The following ERC1 variants were observed in gnomAD, a reference collection of about 807,000 sequenced individuals.
The protein encoded by ERC1 is ELKS/RAB6-interacting/CAST family member 1.
A neutral mutation model predicts 132.0 loss-of-function variants in ERC1; 56 were observed. The observed-to-expected ratio is 0.42, with a 90% CI of 0.34 to 0.53. ERC1 has a LOEUF of 0.53. ERC1 is among the 20% of genes least tolerant of loss of function. ERC1 has a pLI of 0.03. For missense variants in ERC1, 1,202 were observed against 1,349.9 expected (o/e 0.89, Z 1.72); for synonymous variants, 478 against 476.1 (o/e 1.00, Z -0.05).
chr12:1,485,201 C>CTCTTTTCTT (rs1555129709), intron 18 of ERC1, among the ~76,000 whole-genome samples: 3 of 96,376 alleles, frequency 3.1e-5, no homozygotes, highest in African/African-American at 1.3e-4. Flanking sequence ...GTTTATATTT[C>CTCTTTTCTT]TTTTTTTTTT....
chr12:999,526 T>G (rs1276774090), intron 1 of ERC1, among the ~76,000 whole-genome samples: 1 of 151,952 alleles, frequency 6.6e-6, no homozygotes, highest in Non-Finnish European at 1.5e-5. Flanking sequence ...TCTAGAGCCA[T>G]GGCTGTTCAG....
At chr12:1,400,974 C>T (rs1389679767) in intron 16 of ERC1, among the ~76,000 whole-genome samples, 3 of 122,544 alleles carry the variant, frequency 2.4e-5, no homozygotes, top group Admixed American at 9.7e-5. Context: ...CTTGCTCTAT[C>T]GCCCAGGCTG....
intron 15 of ERC1, among the ~76,000 whole-genome samples, chr12:1,347,158 C>G (rs1186126689): frequency 1.3e-5 from 2 of 152,156 alleles, no homozygotes; most frequent in African/African-American, 2.4e-5. Context: ...CATTGAAATA[C>G]TAGCGTACAT....
At chr12:1,317,277 C>T (rs542590202) in intron 15 of ERC1, among the ~76,000 whole-genome samples, 175 of 151,970 alleles carry the variant, frequency 1.2e-3, no homozygotes, top group African/African-American at 4.1e-3. Context: ...AGCTGGAAAC[C>T]ATCATTCTCA....
At chr12:1,227,005 T>G (rs577520682) in intron 12 of ERC1, among the ~76,000 whole-genome samples, 14 of 152,320 alleles carry the variant, frequency 9.2e-5, no homozygotes, top group African/African-American at 3.4e-4. Context: ...TGATAAATAT[T>G]CCATTTGATT....
chr12:1,231,163 G>A (rs1358795550), intron 12 of ERC1, among the ~76,000 whole-genome samples: 2 of 148,506 alleles, frequency 1.3e-5, no homozygotes, highest in African/African-American at 2.5e-5. Flanking sequence ...TTTTGTAATT[G>A]TATGCTTAAT....
At chr12:1,377,380 A>G (rs61913111) in intron 16 of ERC1, among the ~76,000 whole-genome samples, 41,685 of 151,830 alleles carry the variant, frequency 0.27, 6,116 homozygotes, top group Middle Eastern at 0.35. Flanking sequence ...GCAATCTAGC[A>G]GACATTCTAG....
intron 18 of ERC1, 197 bp downstream of exon 18, chr12:1,444,947 T>G: frequency 5.9e-5 from 17 of 290,336 alleles, no homozygotes; most frequent in East Asian, 1.2e-4. Context: ...ATTCAAGATT[T>G]GGGGGGTGGG....
intron 15 of ERC1, among the ~76,000 whole-genome samples, chr12:1,353,028 C>CTTTTTTTTTTTTTTT (rs547540688): frequency 1.6e-5 from 2 of 123,014 alleles, no homozygotes; most frequent in Non-Finnish European, 3.5e-5. Context: ...CTTTTCTTTT[C>CTTTTTTTTTTTTTTT]TTTTTTTTTT....
At chr12:1,273,953 C>T (rs2078064731) in intron 14 of ERC1, among the ~76,000 whole-genome samples, 1 of 152,030 alleles carries the variant, frequency 6.6e-6, no homozygotes, top group Admixed American at 6.6e-5. Context: ...GACATAAAAC[C>T]ATGTTTGTCA....
chr12:1,284,906 A>G (rs1478538380), intron 14 of ERC1, among the ~76,000 whole-genome samples: 1 of 152,186 alleles, frequency 6.6e-6, no homozygotes, highest in Non-Finnish European at 1.5e-5. Context: ...CTGGAATTAC[A>G]GGCATGAGCC....
At chr12:1,280,306 A>G (rs1336527520) in intron 14 of ERC1, among the ~76,000 whole-genome samples, 1 of 152,034 alleles carries the variant, frequency 6.6e-6, no homozygotes, top group Non-Finnish European at 1.5e-5. Context: ...AATGAAAGAT[A>G]TTTTTTTCTG....
chr12:1,202,453 T>C (rs1956997626), intron 12 of ERC1, among the ~76,000 whole-genome samples: 1 of 151,792 alleles, frequency 6.6e-6, no homozygotes, highest in Non-Finnish European at 1.5e-5. Flanking sequence ...AGTCCAGGAG[T>C]TCGAGACCAG....
chr12:1,477,983 G>A (rs1419451112), intron 18 of ERC1, among the ~76,000 whole-genome samples: 3 of 152,138 alleles, frequency 2.0e-5, no homozygotes, highest in Non-Finnish European at 4.4e-5. Context: ...GCCACAAATT[G>A]TTTATCGTCT....
intron 18 of ERC1, among the ~76,000 whole-genome samples, chr12:1,476,725 G>T (rs2093981564): frequency 6.6e-6 from 1 of 152,076 alleles, no homozygotes; most frequent in African/African-American, 2.4e-5. Context: ...CTGGTTACTT[G>T]TCAAAAGCTT....
chr12:1,290,953 A>G (rs549432597), intron 15 of ERC1, among the ~76,000 whole-genome samples: 5 of 152,302 alleles, frequency 3.3e-5, no homozygotes, highest in African/African-American at 1.2e-4. Context: ...TCTTCTCTGC[A>G]TAAATGCACA....
intron 2 of ERC1, among the ~76,000 whole-genome samples, chr12:1,034,159 A>C (rs1378180026): frequency 6.6e-6 from 1 of 152,160 alleles, no homozygotes; most frequent in African/African-American, 2.4e-5. Context: ...GATTCTTTAT[A>C]TGTATTTAGA....
intron 15 of ERC1, among the ~76,000 whole-genome samples, chr12:1,360,821 A>G (rs1271343658): frequency 1.3e-5 from 2 of 152,134 alleles, no homozygotes; most frequent in African/African-American, 4.8e-5. Flanking sequence ...AGTGGCTTAC[A>G]CCTGTAATTC....
chr12:1,363,639 C>T (rs757787463), intron 15 of ERC1, among the ~76,000 whole-genome samples: 13 of 149,372 alleles, frequency 8.7e-5, no homozygotes, highest in South Asian at 2.1e-4. Flanking sequence ...ACTGCAGCCT[C>T]GACCTCCTGG....
Sources: gnomAD v4.1 joint callset for allele counts (sites outside exome capture counted in the v4.1 genomes callset) on GRCh38, gnomAD v4.1.1 for gene constraint, MANE v1.5 for transcripts, NCBI Gene and HGNC (gene_info 2026-07-23, HGNC 2026-07-21) for gene names.